Variants in ITGA8 observed in about 807,000 individuals in gnomAD.
The protein encoded by ITGA8 is integrin alpha-8.
ITGA8 carries 91 observed loss-of-function variants against 142.3 expected under a neutral mutation model. That is an observed-to-expected ratio of 0.64 (90% CI 0.54 to 0.76). ITGA8 has a LOEUF of 0.76. Ranked by LOEUF, ITGA8 falls within the 30% of genes least tolerant of loss-of-function variation. The pLI is 0.00. For synonymous variants in ITGA8, 505 were observed against 485.2 expected, an observed-to-expected ratio of 1.04 and a Z score of -0.54; for missense variants, 1,406 against 1,327.7, an observed-to-expected ratio of 1.06 and a Z score of -0.92.
Position 15,677,577 on chromosome 10 carries a change from G to T in ITGA8, c.676+15C>A. Reference sequence around the variant, plus strand: ...AACAACAAATGTGCTTTTCTTGTCTGCCAACAGAACATACCTTGCCAGTAG... The same window carrying T: ...AACAACAAATGTGCTTTTCTTGTCTTCCAACAGAACATACCTTGCCAGTAG... On this transcript the variant is annotated intron_variant, in intron 6 of 29. Transcript: ENST00000378076. 6.2e-7 allele frequency: 1 copy of T among 1,609,564 alleles called. No homozygotes were observed. The highest frequency in any genetic ancestry group is 1.1e-5 in the South Asian group (1 of 90,428).
At chr10:15,599,609 A>C (rs1833066416) in intron 20 of ITGA8, among the ~76,000 whole-genome samples, 1 of 152,082 alleles carries the variant, frequency 6.6e-6, no homozygotes, top group African/African-American at 2.4e-5. Flanking sequence ...TGATGGGGGC[A>C]GTGCATATCA....
Position 15,604,578 on chromosome 10 carries a change from CAA to C in ITGA8, c.1971-225_1971-224del, listed in dbSNP as rs35672275. On this transcript the variant is annotated intron_variant, in intron 19 of 29. Coordinates refer to ENST00000378076, the MANE Select transcript of ITGA8 (RefSeq NM_003638.3). ...TGGTAAATGTTTAACAACCAGTTCT[CAA>C]AAAAAAAAAAAAAAAAAAAAGGATT... 0.062 allele frequency among the ~76,000 whole-genome samples: 5,362 copies of C among 86,194 alleles called. 105 individuals are homozygous for C. Among genetic ancestry groups the C allele is most frequent in the East Asian group, 0.13 (361 of 2,722 alleles). 56.5% of individuals were successfully genotyped at this position (86,194 alleles called of 152,430 possible).
intron 28 of ITGA8, among the ~76,000 whole-genome samples, chr10:15,525,901 A>G (rs1833165312): frequency 6.6e-6 from 1 of 152,178 alleles, no homozygotes; most frequent in Non-Finnish European, 1.5e-5. Flanking sequence ...TCCAATATGT[A>G]TTTCACATTT....
At position 15,666,137 on chromosome 10, in the gene ITGA8, T is replaced by C. The variant is rs1369585334; in HGVS notation, c.848-5215A>G. ...ATGGCCATTTTCAAAATATTGATTC[T>C]TCCTACCCATGAGCATGGAATGTTC... is the stretch of plus-strand genomic sequence containing the variant. On this transcript the variant is annotated intron_variant, in intron 8 of 29. Transcript: ENST00000378076. 2.0e-5 allele frequency among the ~76,000 whole-genome samples: 3 copies of C among 152,254 alleles called. No individual in the cohort carries two copies. In the East Asian group the frequency reaches 5.8e-4, roughly 29 times the overall value.
chr10:15,560,401 TTA>T (rs1833954493), intron 25 of ITGA8, among the ~76,000 whole-genome samples: 1 of 152,238 alleles, frequency 6.6e-6, no homozygotes, highest in Non-Finnish European at 1.5e-5. Context: ...AAATGGATAA[TTA>T]TTTAAAAAGA....
chr10:15,536,950 G>A (rs1381719165), intron 27 of ITGA8, among the ~76,000 whole-genome samples: 1 of 152,144 alleles, frequency 6.6e-6, no homozygotes, highest in Non-Finnish European at 1.5e-5. Flanking sequence ...TCCATTTTAT[G>A]TAGCCCGTTT....
rs9333151 is a variant in ITGA8, at chr10:15,613,542, G to A, written c.1553+118C>T. 1,002 of 758,188 alleles carry A rather than the reference G, an allele frequency of 1.3e-3. 4 individuals are homozygous for A. In the African/African-American group the frequency reaches 0.016, roughly 12 times the overall value. 47.0% of individuals were successfully genotyped at this position (758,188 alleles called of 1,614,324 possible). A position where few individuals can be genotyped will look rare whatever the true frequency, so the allele number is the denominator to read the frequency against. ...AGCAGCATCTCTTGAAGCTTTTTTC[G>A]AGAAATGCAAAATCTAGGCCCTACC... On this transcript the variant is annotated intron_variant, in intron 15 of 29. Transcript: ENST00000378076.
At chr10:15,604,145 T>C in intron 20 of ITGA8, 63 bp downstream of exon 20, 1 of 1,473,282 alleles carries the variant, frequency 6.8e-7, no homozygotes, top group Non-Finnish European at 9.3e-7. Flanking sequence ...TGGCCCTTCT[T>C]AACATTTACT....
intron 8 of ITGA8, among the ~76,000 whole-genome samples, chr10:15,668,984 A>C (rs1471434569): frequency 6.6e-6 from 1 of 152,104 alleles, no homozygotes; most frequent in Non-Finnish European, 1.5e-5. Context: ...GGTGAATCTG[A>C]TAATTATGTG....
Position 15,517,221 on chromosome 10 carries a change from T to A in ITGA8, c.3129A>T (p.Arg1043Ser). Residue 1043 changes from arginine (R) to serine (S), a missense_variant, in exon 30 of 30, where the codon AGA (arginine) becomes AGT (serine). Physicochemically the swap from Arg to Ser is moderately radical, Grantham distance 110. Coordinates refer to ENST00000378076, the MANE Select transcript of ITGA8 (RefSeq NM_003638.3). ...LWKCGFFDRA[R>S]PPQEDMTDRE... ...TGTCGGTCATGTCCTCCTGAGGAGG[T>A]CTGGCTCTGTCAAAGAATCCACACT... The A allele has an allele frequency of 6.2e-7, 1 of 1,612,918 alleles. No homozygotes were observed. Among genetic ancestry groups the A allele is most frequent in the Non-Finnish European group, 8.5e-7 (1 of 1,179,272 alleles).
chr10:15,522,887 C>A (rs1833096344), intron 28 of ITGA8, among the ~76,000 whole-genome samples: 1 of 152,146 alleles, frequency 6.6e-6, no homozygotes. Context: ...TGGCAGACAC[C>A]TGTAGTCTCA....
intron 21 of ITGA8, among the ~76,000 whole-genome samples, chr10:15,595,903 T>G (rs1322327521): frequency 2.6e-5 from 4 of 152,090 alleles, no homozygotes; most frequent in Non-Finnish European, 5.9e-5. Flanking sequence ...AAATACAAAA[T>G]TAGCCGGGCA....
intron 11 of ITGA8, among the ~76,000 whole-genome samples, chr10:15,647,442 T>G (rs919892952): frequency 6.7e-6 from 1 of 149,442 alleles, no homozygotes; most frequent in East Asian, 2.0e-4. Flanking sequence ...TACATTTAAA[T>G]TATTCAGTTT....
chr10:15,594,893 T>C (rs1832987790), intron 21 of ITGA8, among the ~76,000 whole-genome samples: 1 of 152,220 alleles, frequency 6.6e-6, no homozygotes, highest in Non-Finnish European at 1.5e-5. Flanking sequence ...ATGATGGTTT[T>C]CATTATAGAA....
rs773797048 is a variant in ITGA8, at chr10:15,586,624, G to T, written c.2332C>A (p.Gln778Lys). ...DNPDSNFVSL[Q>K]INITAVAQVE... is the part of the protein sequence containing the mutation. ...TGCGCTACAGCAGTGATGTTGATTT[G>T]CAGGCTCACAAAATTGCTGTCTGGA... Residue 778 changes from glutamine to lysine, a missense_variant, in exon 23 of 30, where the codon CAA becomes AAA. Coordinates refer to ENST00000378076, the MANE Select transcript of ITGA8 (RefSeq NM_003638.3). 2.0e-5 allele frequency: 33 copies of T among 1,613,044 alleles called. No individual in the cohort carries two copies. Among genetic ancestry groups the T allele is most frequent in the African/African-American group, 4.0e-5 (3 of 74,886 alleles).
intron 27 of ITGA8, among the ~76,000 whole-genome samples, chr10:15,535,592 C>T (rs1450259440): frequency 1.3e-5 from 2 of 152,054 alleles, no homozygotes; most frequent in African/African-American, 4.8e-5. Flanking sequence ...CCTTTATGTC[C>T]ACACTCTGTA....
At chr10:15,693,226 G>A (rs746438075) in intron 2 of ITGA8, among the ~76,000 whole-genome samples, 4 of 152,008 alleles carry the variant, frequency 2.6e-5, no homozygotes, top group Non-Finnish European at 4.4e-5. Flanking sequence ...TGTACTAAGG[G>A]CATCTTATTT....
intron 2 of ITGA8, among the ~76,000 whole-genome samples, chr10:15,707,562 C>T (rs868289977): frequency 3.3e-5 from 5 of 152,108 alleles, no homozygotes; most frequent in African/African-American, 1.2e-4. Context: ...GTGGCTCACA[C>T]CTTTAATCCC....
chr10:15,696,572 A>C (rs970068043), intron 2 of ITGA8, among the ~76,000 whole-genome samples: 2 of 152,224 alleles, frequency 1.3e-5, no homozygotes, highest in Admixed American at 6.5e-5. Flanking sequence ...ATCTGGCTCC[A>C]AATTAATAAC....
Sources: allele counts gnomAD v4.1 joint callset (sites outside exome capture counted in the v4.1 genomes callset), GRCh38; gene constraint gnomAD v4.1.1; transcripts MANE v1.5; gene names NCBI Gene and HGNC (gene_info 2026-07-23, HGNC 2026-07-21).